The following WRN variants were observed in gnomAD, a reference collection of about 807,000 sequenced individuals.
The protein encoded by WRN is bifunctional 3'-5' exonuclease/ATP-dependent helicase WRN.
WRN carries 149 observed loss-of-function variants against 180.7 expected under a neutral mutation model. The ratio of observed to expected loss-of-function variants is 0.82; its 90% confidence interval spans 0.72 to 0.94. WRN has a LOEUF of 0.94. WRN is among the 40% of genes least tolerant of loss of function. WRN has a pLI of 0.00. For synonymous variants in WRN, 548 were observed against 568.9 expected, an observed-to-expected ratio of 0.96 and a Z score of 0.52; for missense variants, 1,661 against 1,700.1, an observed-to-expected ratio of 0.98 and a Z score of 0.40.
At chr8:31,044,243 A>G (rs1811766244) in intron 1 of WRN, among the ~76,000 whole-genome samples, 1 of 150,340 alleles carries the variant, frequency 6.7e-6, no homozygotes, top group Admixed American at 6.6e-5. Context: ...GGGTTTCACC[A>G]TGATAGCCAG....
intron 17 of WRN, among the ~76,000 whole-genome samples, chr8:31,098,022 T>C (rs541085667): frequency 6.6e-6 from 1 of 152,320 alleles, no homozygotes; most frequent in African/African-American, 2.4e-5. Context: ...ATTTGATAAT[T>C]TTTCCAACAA....
Position 31,083,394 on chromosome 8 carries a change from A to T in WRN, c.1270-305A>T, listed in dbSNP as rs1368538985. Among the ~76,000 whole-genome samples, 5 of 152,322 alleles carry T rather than the reference A, an allele frequency of 3.3e-5. No homozygotes were observed. In the South Asian group the frequency reaches 1.0e-3, roughly 32 times the overall value. On this transcript the variant is annotated intron_variant, in intron 9 of 34. Coordinates refer to ENST00000298139, the MANE Select transcript of WRN (RefSeq NM_000553.6). ...AAAAGTTTGGGAGACACAGTGTGAC[A>T]TTGTTTAACCTGAGTTGAACTTGTC...
chr8:31,123,950 G>T (rs185159722), intron 21 of WRN, among the ~76,000 whole-genome samples: 1 of 151,896 alleles, frequency 6.6e-6, no homozygotes, highest in Non-Finnish European at 1.5e-5. Flanking sequence ...AGTTATAATC[G>T]ATTGAGAAAG....
chr8:31,121,747 T>C (rs1039478996), intron 21 of WRN, among the ~76,000 whole-genome samples: 1 of 151,946 alleles, frequency 6.6e-6, no homozygotes, highest in African/African-American at 2.4e-5. Flanking sequence ...TAAAAATGTT[T>C]GATGCAAATT....
intron 18 of WRN, among the ~76,000 whole-genome samples, chr8:31,109,934 C>T (rs1801240366): frequency 6.6e-6 from 1 of 152,290 alleles, no homozygotes; most frequent in African/African-American, 2.4e-5. Flanking sequence ...CTTACTTCCT[C>T]ATTTTCATAA....
intron 24 of WRN, among the ~76,000 whole-genome samples, chr8:31,136,836 C>CGAATGAAT (rs60617461): frequency 0.028 from 4,261 of 149,542 alleles, 139 homozygotes; most frequent in African/African-American, 0.082. Context: ...TACCCTGTCT[C>CGAATGAAT]GAATGAATGA....
rs1251240371 is a variant in WRN at position 31,073,190 on chromosome 8, C to T, written c.725-2983C>T. On this transcript the variant is annotated intron_variant, in intron 7 of 34. Transcript: ENST00000298139. ...TCGTAAGAGGAAAAATATTTAGCCC[C>T]AGGGCATTTTGGCAGAGAGTTAGGA... 8.5e-5 allele frequency among the ~76,000 whole-genome samples: 13 copies of T among 152,186 alleles called. No homozygotes were observed. The South Asian group carries it at 2.7e-3, about 32-fold the overall frequency.
chr8:31,089,218 T>A (rs965580388), intron 13 of WRN, among the ~76,000 whole-genome samples: 3 of 152,096 alleles, frequency 2.0e-5, no homozygotes, highest in Admixed American at 6.6e-5. Context: ...GAAACTAGTT[T>A]AAAGATACTT....
At chr8:31,135,951 G>A (rs2737334) in intron 24 of WRN, among the ~76,000 whole-genome samples, 60,514 of 152,024 alleles carry the variant, frequency 0.4, 12,410 homozygotes, top group East Asian at 0.62. Context: ...TAGCCGATCA[G>A]TTAGATTTCC....
rs748334111 is a variant in WRN, at chr8:31,120,337, A to G, written c.2543A>G (p.Tyr848Cys). 8 of 1,612,946 alleles carry G rather than the reference A, an allele frequency of 5.0e-6. No individual in the cohort carries two copies. The highest frequency in any genetic ancestry group is 6.8e-6 in the Non-Finnish European group (8 of 1,179,226). Residue 848 changes from tyrosine (Y) to cysteine (C), a missense_variant, in exon 21 of 35, where the codon TAT (tyrosine) becomes TGT (cysteine). By Grantham distance (194) the Tyr-to-Cys change is radical (BLOSUM62 -2). Coordinates refer to ENST00000298139, the MANE Select transcript of WRN (RefSeq NM_000553.6). Reference protein sequence around the residue: ...HYGAPKDMESYYQEIGRAGRD... With the variant: ...HYGAPKDMESCYQEIGRAGRD... ...GGTGCTCCTAAGGACATGGAATCAT[A>G]TTATCAGGAGATTGGTAGAGCTGGT...
intron 24 of WRN, 45 bp downstream of exon 24, chr8:31,132,551 T>A (rs764868614): frequency 1.9e-6 from 3 of 1,612,798 alleles, no homozygotes. Flanking sequence ...TTCTTTTACT[T>A]CTATTACACT....
At chr8:31,051,160 G>A (rs1187702189) in intron 1 of WRN, among the ~76,000 whole-genome samples, 1 of 151,890 alleles carries the variant, frequency 6.6e-6, no homozygotes, top group Admixed American at 6.6e-5. Context: ...CAGTTACCAT[G>A]GTAACAGTAG....
At chr8:31,146,670 T>C (rs917000728) in intron 28 of WRN, among the ~76,000 whole-genome samples, 1 of 152,202 alleles carries the variant, frequency 6.6e-6, no homozygotes, top group African/African-American at 2.4e-5. Context: ...TGTTTCCCAG[T>C]AGGTTAAGAA....
Position 31,058,424 on chromosome 8 carries a change from C to T in WRN, c.-24C>T, listed in dbSNP as rs753595348. 6 of 1,605,104 alleles carry T rather than the reference C, an allele frequency of 3.7e-6. No individual in the cohort carries two copies. The East Asian group carries it at 9.0e-5, about 24-fold the overall frequency. ...ACCCATGAAGACATTGTTTTTTGGA[C>T]TCTGCAAATAGGACATTTCAAAGAT... On this transcript the variant is annotated 5_prime_UTR_variant, in exon 2 of 35. Coordinates refer to ENST00000298139, the MANE Select transcript of WRN (RefSeq NM_000553.6).
chr8:31,045,948 G>C (rs1032106013), intron 1 of WRN, among the ~76,000 whole-genome samples: 1 of 152,106 alleles, frequency 6.6e-6, no homozygotes, highest in Non-Finnish European at 1.5e-5. Context: ...GAAACGCAGT[G>C]TGTCTTATCC....
In WRN at chr8:31,092,015, T is replaced by A. The variant is rs1374285797; in HGVS notation, c.1898+117T>A. On this transcript the variant is annotated intron_variant, in intron 16 of 34. Coordinates refer to ENST00000298139, the MANE Select transcript of WRN (RefSeq NM_000553.6). ...AGTTGTGAGTAATTTATGTCATTTC[T>A]AATCATGTGGTCAGATGTCTGTGGT... The A allele has an allele frequency of 5.3e-6, 5 of 936,796 alleles. No individual in the cohort carries two copies. In the African/African-American group the frequency reaches 8.2e-5, roughly 15 times the overall value. The allele number at this position is 936,796 out of a possible 1,614,324, so 58.0% of individuals were successfully genotyped here.
intron 24 of WRN, among the ~76,000 whole-genome samples, chr8:31,136,605 G>C (rs550579777): frequency 2.0e-5 from 3 of 152,160 alleles, no homozygotes; most frequent in Non-Finnish European, 4.4e-5. Flanking sequence ...GGAAGCCGAG[G>C]TGGGGGGATT....
At chr8:31,094,923 C>G (rs1454940616) in intron 16 of WRN, among the ~76,000 whole-genome samples, 1 of 152,138 alleles carries the variant, frequency 6.6e-6, no homozygotes, top group Non-Finnish European at 1.5e-5. Context: ...ATGCTGTGAA[C>G]ATTTGTGTAC....
intron 27 of WRN, 107 bp from the exon 28 acceptor site, chr8:31,143,443 T>C (rs1362985709): frequency 2.7e-6 from 2 of 729,110 alleles, no homozygotes; most frequent in Middle Eastern, 3.8e-4. Flanking sequence ...GACAGCTTGA[T>C]TAGGCAAAGA....
Sources: allele counts gnomAD v4.1 joint callset (sites outside exome capture counted in the v4.1 genomes callset), GRCh38; gene constraint gnomAD v4.1.1; transcripts MANE v1.5; gene names NCBI Gene and HGNC (gene_info 2026-07-23, HGNC 2026-07-21).